PSMB9: variants seen among roughly 807,000 people sequenced by gnomAD.
PSMB9 encodes the protein proteasome subunit beta type-9.
A neutral mutation model predicts 26.9 loss-of-function variants in PSMB9; 16 were observed. The observed-to-expected ratio is 0.59, with a 90% CI of 0.40 to 0.90. PSMB9 has a LOEUF of 0.90. Ranked by LOEUF, PSMB9 falls within the 40% of genes least tolerant of loss-of-function variation. PSMB9 has a pLI of 0.00. For synonymous variants in PSMB9, 91 were observed against 112.0 expected, an observed-to-expected ratio of 0.81 and a Z score of 1.18; for missense variants, 253 against 292.2, an observed-to-expected ratio of 0.87 and a Z score of 0.98.
At position 32,857,406 on chromosome 6, in the gene PSMB9, T is replaced by G; in HGVS notation, c.260+12T>G. 1 of 1,610,550 alleles carries G rather than the reference T, an allele frequency of 6.2e-7. No homozygotes were observed. Among genetic ancestry groups the G allele is most frequent in the Non-Finnish European group, 8.5e-7 (1 of 1,179,382 alleles). ...CTGGAGCTCCATGGGTATGAAGCTC[T>G]GGAGTTCTGACTCCCCACCCACTAG... On this transcript the variant is annotated intron_variant, in intron 3 of 5. Transcript: ENST00000374859.
intron 1 of PSMB9, 115 bp from the exon 2 acceptor site, chr6:32,856,023 T>C (rs1197064423): frequency 2.3e-6 from 2 of 879,468 alleles, no homozygotes; most frequent in East Asian, 5.2e-5. Flanking sequence ...TCTGGCCTGT[T>C]ACTGTGTAAT....
At chr6:32,857,511 C>A in intron 3 of PSMB9, 117 bp downstream of exon 3, 1 of 1,295,190 alleles carries the variant, frequency 7.7e-7, no homozygotes, top group Non-Finnish European at 1.0e-6. Context: ...AGTCTTGTTT[C>A]GGCTCTTGCT....
Position 32,859,463 on chromosome 6 carries a change from T to C in PSMB9, c.591T>C (p.Thr197=), listed in dbSNP as rs1771349753. 2 of 1,613,836 alleles carry C rather than the reference T, an allele frequency of 1.2e-6. No homozygotes were observed. Among genetic ancestry groups the C allele is most frequent in the Non-Finnish European group, 1.7e-6 (2 of 1,179,942 alleles). Residue 197 remains threonine, a synonymous_variant, in exon 6 of 6, where the codon ACT becomes ACC. Transcript: ENST00000374859. ...GCGGGGGTGTCATCTACCTGGTCACTATTACAGCTGCCGGTGTGGACCATC... is the reference window on the plus strand; with the variant it reads ...GCGGGGGTGTCATCTACCTGGTCACCATTACAGCTGCCGGTGTGGACCATC... The part of the protein sequence containing the change: ...GSSGGVIYLV[T]ITAAGVDHRV...
At chr6:32,857,965 T>C in intron 3 of PSMB9, 40 bp from the exon 4 acceptor site, 1 of 1,612,308 alleles carries the variant, frequency 6.2e-7, no homozygotes, top group East Asian at 2.2e-5. Context: ...AGAATGAGAC[T>C]TAAAATTCTA....
In PSMB9 at chr6:32,854,719, C is replaced by T. The variant is rs925340797; in HGVS notation, c.60+430C>T. The stretch of plus-strand genomic sequence containing the variant: ...AAATATAGGCACTTATTGAGAAGGA[C>T]CAACTCATCACACAGACTTTTGATA... On this transcript the variant is annotated intron_variant, in intron 1 of 5. Transcript: ENST00000374859. The surrounding 1 kb of genome is among the most constrained non-coding windows in gnomAD (Gnocchi z 4.6). 6.6e-6 allele frequency among the ~76,000 whole-genome samples: 1 copy of T among 152,198 alleles called. No homozygotes were observed. The highest frequency in any genetic ancestry group is 1.5e-5 in the Non-Finnish European group (1 of 68,044).
At position 32,858,303 on chromosome 6, in the gene PSMB9, T is replaced by A; in HGVS notation, c.391-61T>A. The A allele has an allele frequency of 6.2e-7, 1 of 1,611,168 alleles. No individual in the cohort carries two copies. The highest frequency in any genetic ancestry group is 8.5e-7 in the Non-Finnish European group (1 of 1,178,810). Reference sequence around the variant, plus strand: ...CTTCATTGCAGGGTGCAGAGACCACTTAATGTCTCAGTGGGAAGGAAGGGC... The same window carrying A: ...CTTCATTGCAGGGTGCAGAGACCACATAATGTCTCAGTGGGAAGGAAGGGC... On this transcript the variant is annotated intron_variant, in intron 4 of 5. Transcript: ENST00000374859. This position sits in a 1 kb window ranked among gnomAD's most constrained non-coding sequence, Gnocchi z 5.2.
intron 5 of PSMB9, among the ~76,000 whole-genome samples, chr6:32,859,085 G>C (rs1264597323): frequency 2.0e-5 from 3 of 151,630 alleles, no homozygotes; most frequent in Non-Finnish European, 4.4e-5. Flanking sequence ...CCAGTGGTGT[G>C]CTGAGGTGTG....
intron 3 of PSMB9, 191 bp downstream of exon 3, chr6:32,857,585 G>A: frequency 1.6e-6 from 1 of 623,288 alleles, no homozygotes; most frequent in Non-Finnish European, 2.6e-6. Flanking sequence ...TCATGAGACG[G>A]TTATTTTGAG....
chr6:32,859,589 G>C lies in PSMB9; in HGVS notation c.*57G>C. 7.0e-7 allele frequency: 1 copy of C among 1,424,268 alleles called. No individual in the cohort carries two copies. Among genetic ancestry groups the C allele is most frequent in the Non-Finnish European group, 9.8e-7 (1 of 1,023,312 alleles). 88.2% of individuals were successfully genotyped at this position (1,424,268 alleles called of 1,614,324 possible). A position where few individuals can be genotyped will look rare whatever the true frequency, so the allele number is the denominator to read the frequency against. On this transcript the variant is annotated 3_prime_UTR_variant, in exon 6 of 6. Coordinates refer to ENST00000374859, the MANE Select transcript of PSMB9 (RefSeq NM_002800.5). ...AATAAACTCTCTAGGGCCAAAACCT[G>C]GTATGGTCATTGGGAAATGAGTGCT...
chr6:32,857,383 G>C lies in PSMB9; in HGVS notation c.249G>C (p.Leu83=), dbSNP rs1190319699. Residue 83 remains leucine (L), a synonymous_variant, in exon 3 of 6, where the codon CTG becomes CTC. Coordinates refer to ENST00000374859, the MANE Select transcript of PSMB9 (RefSeq NM_002800.5). ...QAVADMAAYQ[L]ELHGIELEEP... ...TGGCCGACATGGCCGCCTACCAGCT[G>C]GAGCTCCATGGGTATGAAGCTCTGG... is the stretch of plus-strand genomic sequence containing the variant. 1 of 1,612,218 alleles carries C rather than the reference G, an allele frequency of 6.2e-7. No homozygotes were observed. The highest frequency in any genetic ancestry group is 8.5e-7 in the Non-Finnish European group (1 of 1,179,940).
intron 3 of PSMB9, chr6:32,857,752 TC>T: frequency 1.8e-6 from 1 of 563,328 alleles, no homozygotes; most frequent in Non-Finnish European, 3.1e-6. Flanking sequence ...TATCTGCTTT[TC>T]CCCATAAGAG....
Position 32,858,021 on chromosome 6 carries a change from C to A in PSMB9, c.277C>A (p.Pro93Thr), listed in dbSNP as rs1336773619. The A allele has an allele frequency of 6.2e-7, 1 of 1,613,106 alleles. No individual in the cohort carries two copies. Among genetic ancestry groups the A allele is most frequent in the Admixed American group, 1.7e-5 (1 of 60,020 alleles). Residue 93 changes from proline (P) to threonine (T), a missense_variant, in exon 4 of 6, where the codon CCT becomes ACT. Transcript: ENST00000374859. This position sits in a 1 kb window ranked among gnomAD's most constrained non-coding sequence, Gnocchi z 5.2. The part of the protein sequence containing the change: ...LELHGIELEE[P>T]PLVLAAANVV... ...TTCCCTCAGGATAGAACTGGAGGAA[C>A]CTCCACTTGTTTTGGCTGCTGCAAA...
chr6:32,857,472 TC>T, intron 3 of PSMB9, 78 bp downstream of exon 3: 1 of 1,461,318 alleles, frequency 6.8e-7, no homozygotes. Context: ...AGTGTGCTGT[TC>T]CAGGAGCTGG....
intron 5 of PSMB9, 37 bp from the exon 6 acceptor site, chr6:32,859,368 C>T (rs775555193): frequency 8.3e-5 from 130 of 1,562,140 alleles, no homozygotes; most frequent in Non-Finnish European, 1.1e-4. Flanking sequence ...CTAAGCCATC[C>T]TCTCTCTCCC....
Position 32,854,292 on chromosome 6 carries a change from A to T in PSMB9, c.60+3A>T, listed in dbSNP as rs547738348. The T allele has an allele frequency of 4.6e-6, 7 of 1,507,742 alleles. No individual in the cohort carries two copies. Among genetic ancestry groups the T allele is most frequent in the Non-Finnish European group, 6.2e-6 (7 of 1,130,424 alleles). 93.4% of individuals were successfully genotyped at this position (1,507,742 alleles called of 1,614,324 possible). On this transcript the variant is annotated splice_donor_region_variant and intron_variant, in intron 1 of 5. Transcript: ENST00000374859. This position sits in a 1 kb window ranked among gnomAD's most constrained non-coding sequence, Gnocchi z 4.6. ...GGGCGGGAGAAGTCCACACCGGGGT[A>T]ATGGGTCTGGGCTTGAGGGTTGGCA...
At chr6:32,856,064 A>G (rs926873893) in intron 1 of PSMB9, 74 bp from the exon 2 acceptor site, 1 of 1,361,582 alleles carries the variant, frequency 7.3e-7, no homozygotes, top group Non-Finnish European at 1.0e-6. Context: ...CTCTCTGGGA[A>G]TGTTTCTTCT....
At position 32,858,272 on chromosome 6, in the gene PSMB9, C is replaced by T. The variant is rs1451177101; in HGVS notation, c.391-92C>T. The T allele has an allele frequency of 6.3e-7, 1 of 1,599,250 alleles. No individual in the cohort carries two copies. Among genetic ancestry groups the T allele is most frequent in the Non-Finnish European group, 8.5e-7 (1 of 1,170,216 alleles). On this transcript the variant is annotated intron_variant, in intron 4 of 5. Transcript: ENST00000374859. The surrounding 1 kb of genome is among the most constrained non-coding windows in gnomAD (Gnocchi z 5.2). ...CATAGTACTTTGGGGATATGAGATA[C>T]CAGGGCTTCATTGCAGGGTGCAGAG...
At position 32,854,279 on chromosome 6, in the gene PSMB9, T is replaced by G. The variant is rs752999197; in HGVS notation, c.50T>G (p.Val17Gly). Reference sequence around the variant, plus strand: ...GGGGACTTACCCCGGGCGGGAGAAGTCCACACCGGGGTAATGGGTCTGGGC... The same window carrying G: ...GGGGACTTACCCCGGGCGGGAGAAGGCCACACCGGGGTAATGGGTCTGGGC... ...PTGDLPRAGE[V>G]HTGTTIMAVE... Residue 17 changes from valine to glycine, a missense_variant, in exon 1 of 6, where the codon GTC becomes GGC. Val to Gly is a moderately radical substitution (Grantham distance 109). Coordinates refer to ENST00000374859, the MANE Select transcript of PSMB9 (RefSeq NM_002800.5). The surrounding 1 kb of genome is among the most constrained non-coding windows in gnomAD (Gnocchi z 4.6). 7.9e-6 allele frequency: 12 copies of G among 1,514,808 alleles called. No individual in the cohort carries two copies. The highest frequency in any genetic ancestry group is 1.4e-5 in the African/African-American group (1 of 70,948). 93.8% of individuals were successfully genotyped at this position (1,514,808 alleles called of 1,614,324 possible).
In PSMB9 at chr6:32,858,667, A is replaced by C; in HGVS notation, c.532+162A>C. ...AGGGGCAGGACAAATGCAAAGCTCA[A>C]TGGGGTTCTTGGGCAATACGGATAA... On this transcript the variant is annotated intron_variant, in intron 5 of 5. Transcript: ENST00000374859. The surrounding 1 kb of genome is among the most constrained non-coding windows in gnomAD (Gnocchi z 5.2). 3 of 907,908 alleles carry C rather than the reference A, an allele frequency of 3.3e-6. No individual in the cohort carries two copies. Among genetic ancestry groups the C allele is most frequent in the Non-Finnish European group, 3.4e-6 (2 of 582,728 alleles). The allele number at this position is 907,908 out of a possible 1,614,324, so 56.2% of individuals were successfully genotyped here.
Sources: gnomAD v4.1 joint callset for allele counts (sites outside exome capture counted in the v4.1 genomes callset) on GRCh38, gnomAD v4.1.1 for gene constraint, Gnocchi (gnomAD v3.1) non-coding constraint, MANE v1.5 for transcripts, NCBI Gene and HGNC (gene_info 2026-07-23, HGNC 2026-07-21) for gene names.